ZNF605: variants seen among roughly 807,000 people sequenced by gnomAD.
ZNF605 encodes the protein zinc finger protein 605.
A neutral mutation model predicts 7.9 loss-of-function variants in ZNF605; 9 were observed. The ratio of observed to expected loss-of-function variants is 1.14; its 90% CI spans 0.68 to 1.98. ZNF605 has a LOEUF of 1.98. Ranked by LOEUF, ZNF605 falls within the 30% of genes most tolerant of loss-of-function variation. The pLI, the probability that ZNF605 is intolerant of heterozygous loss-of-function variation, is 0.00. For synonymous variants in ZNF605, 255 were observed against 260.1 expected (o/e 0.98, Z 0.19); for missense variants, 673 against 762.4 (o/e 0.88, Z 1.38).
intron 3 of ZNF605, among the ~76,000 whole-genome samples, chr12:132,943,521 C>T (rs1356515844): frequency 3.3e-5 from 5 of 152,056 alleles, no homozygotes; most frequent in South Asian, 2.1e-4. Flanking sequence ...AGTCAGGGGT[C>T]GTGATCTCAC....
At chr12:132,931,507 G>T (rs1952309111) in intron 4 of ZNF605, among the ~76,000 whole-genome samples, 1 of 152,188 alleles carries the variant, frequency 6.6e-6, no homozygotes, top group Non-Finnish European at 1.5e-5. Context: ...TGAAGTTGAA[G>T]AAAAGAGCTC....
chr12:132,950,993 C>A (rs967667748), intron 1 of ZNF605, among the ~76,000 whole-genome samples: 22 of 151,900 alleles, frequency 1.4e-4, no homozygotes, highest in African/African-American at 5.1e-4. Flanking sequence ...ATGTACATCA[C>A]ACGCAGACAT....
chr12:132,932,881 A>G (rs1213368327), intron 4 of ZNF605, 154 bp downstream of exon 4: 4 of 1,368,782 alleles, frequency 2.9e-6, no homozygotes, highest in Non-Finnish European at 3.9e-6. Context: ...ATGTTTTATT[A>G]TAAAGGCTGC....
rs552679964 is a variant in ZNF605, at chr12:132,928,690, G to A, written c.137-1528C>T. Among the ~76,000 whole-genome samples, 604 of 152,256 alleles carry A rather than the reference G, an allele frequency of 4.0e-3. 4 individuals carry two copies. Among genetic ancestry groups the A allele is most frequent in the Middle Eastern group, 0.017 (5 of 294 alleles). ...AATATTCTCAGGAAGTACTCTGCGA[G>A]ATGAAAAGATCTGGCATGGTCTCAA... On this transcript the variant is annotated intron_variant, in intron 4 of 4. Transcript: ENST00000360187.
chr12:132,936,745 T>A (rs1952370962), intron 3 of ZNF605, among the ~76,000 whole-genome samples: 1 of 151,312 alleles, frequency 6.6e-6, no homozygotes, highest in South Asian at 2.1e-4. Context: ...GACCTAAACA[T>A]AAAAAACTAT....
In ZNF605 at chr12:132,933,545, C is replaced by G. The variant is rs988782364; in HGVS notation, c.16-390G>C. Among the ~76,000 whole-genome samples, 9 of 152,158 alleles carry G rather than the reference C, an allele frequency of 5.9e-5. No individual in the cohort carries two copies. The highest frequency in any genetic ancestry group is 4.6e-4 in the Admixed American group (7 of 15,280). On this transcript the variant is annotated intron_variant, in intron 3 of 4. Coordinates refer to ENST00000360187, the MANE Select transcript of ZNF605 (RefSeq NM_183238.4). The surrounding 1 kb of genome is among the most constrained non-coding windows in gnomAD (Gnocchi z 4.4). ...GAGCCAGCTCCTTCCTCGCTGCAGCCCTTCTCAACACCTTCATCACTGCAT... is the reference window on the plus strand; with the variant it reads ...GAGCCAGCTCCTTCCTCGCTGCAGCGCTTCTCAACACCTTCATCACTGCAT...
At chr12:132,939,329 T>C (rs1952406903) in intron 3 of ZNF605, among the ~76,000 whole-genome samples, 1 of 152,174 alleles carries the variant, frequency 6.6e-6, no homozygotes, top group African/African-American at 2.4e-5. Flanking sequence ...CAACACTCTG[T>C]ATCTAGCTGC....
At chr12:132,951,737 CACAT>C (rs1172826111) in intron 1 of ZNF605, among the ~76,000 whole-genome samples, 9 of 146,638 alleles carry the variant, frequency 6.1e-5, no homozygotes, top group South Asian at 2.3e-4. Flanking sequence ...ACATACATGA[CACAT>C]ACACATGTAC....
rs1952636660 is a variant in ZNF605 at position 132,956,223 on chromosome 12, C to T, written c.-286+20G>A. On this transcript the variant is annotated intron_variant, in intron 1 of 4. Transcript: ENST00000360187. The stretch of plus-strand genomic sequence containing the variant: ...AGCCCCGCCGCCTCGTGGTCCCGCC[C>T]CCGCTGCACGCTCCCTTACCCCTCG... 1 of 152,282 alleles carries T rather than the reference C, an allele frequency of 6.6e-6. No individual in the cohort carries two copies. The highest frequency in any genetic ancestry group is 1.5e-5 in the Non-Finnish European group (1 of 68,102). 9.4% of individuals were successfully genotyped at this position (152,282 alleles called of 1,614,324 possible). A position where few individuals can be genotyped will look rare whatever the true frequency, so the allele number is the denominator to read the frequency against.
At chr12:132,942,777 G>A (rs1952456222) in intron 3 of ZNF605, among the ~76,000 whole-genome samples, 1 of 152,188 alleles carries the variant, frequency 6.6e-6, no homozygotes. Flanking sequence ...CTCAGGCCAG[G>A]TAAAGAAGAT....
At position 132,942,982 on chromosome 12, in the gene ZNF605, A is replaced by G. The variant is rs1952458811; in HGVS notation, c.15+2639T>C. 2.0e-5 allele frequency among the ~76,000 whole-genome samples: 3 copies of G among 152,162 alleles called. No homozygotes were observed. The South Asian group carries it at 6.2e-4, about 32-fold the overall frequency. On this transcript the variant is annotated intron_variant, in intron 3 of 4. Transcript: ENST00000360187. ...GTCACGGCCCGTCAAAGTCTGACCT[A>G]TTGGGGTCCATGATGAGGTAGCCTG...
chr12:132,948,770 C>T (rs1158917686), intron 1 of ZNF605, among the ~76,000 whole-genome samples: 2 of 152,338 alleles, frequency 1.3e-5, no homozygotes, highest in South Asian at 2.1e-4. Flanking sequence ...CACTCCTCTG[C>T]GCGGTCTCCC....
chr12:132,933,070 A>G lies in ZNF605; in HGVS notation c.101T>C (p.Val34Ala). 6.2e-7 allele frequency: 1 copy of G among 1,607,842 alleles called. No homozygotes were observed. The highest frequency in any genetic ancestry group is 8.5e-7 in the Non-Finnish European group (1 of 1,176,194). The change falls in exon 4 of 5, where the codon GTG (valine) becomes GCG (alanine). Residue 34 changes from valine to alanine, a missense_variant. Val to Ala is a moderately conservative substitution (Grantham distance 64). Coordinates refer to ENST00000360187, the MANE Select transcript of ZNF605 (RefSeq NM_183238.4). This position sits in a 1 kb window ranked among gnomAD's most constrained non-coding sequence, Gnocchi z 4.4. The stretch of plus-strand genomic sequence containing the variant: ...CAGATTGCTATAGTTCTCCAACATC[A>G]CATCTCTGTACAAGTTCTTCTGAGT... ...NPTQKNLYRD[V>A]MLENYSNLVF... is the part of the protein sequence containing the mutation.
At position 132,929,044 on chromosome 12, in the gene ZNF605, C is replaced by CAAAACAA. The variant is rs1555278761; in HGVS notation, c.137-1883_137-1882insTTGTTTT. ...CAAAACAAAACAAAACAAAACAAAA[C>CAAAACAA]AAAAAAACCCCAAAAACTACTCTTT... On this transcript the variant is annotated intron_variant, in intron 4 of 4. Transcript: ENST00000360187. Among the ~76,000 whole-genome samples, 173 of 151,178 alleles carry CAAAACAA rather than the reference C, an allele frequency of 1.1e-3. 2 individuals are homozygous for CAAAACAA. Among genetic ancestry groups the CAAAACAA allele is most frequent in the Non-Finnish European group, 1.5e-3 (105 of 67,934 alleles).
At chr12:132,944,030 T>C (rs960030016) in intron 3 of ZNF605, among the ~76,000 whole-genome samples, 14 of 152,202 alleles carry the variant, frequency 9.2e-5, no homozygotes, top group Non-Finnish European at 1.5e-4. Context: ...GATAATAATA[T>C]TGATTCTTAT....
rs1209848646 is a variant in ZNF605 at position 132,919,099 on chromosome 12, C to T, written c.*6274G>A. 1.3e-5 allele frequency: 2 copies of T among 152,232 alleles called. No homozygotes were observed. Among genetic ancestry groups the T allele is most frequent in the African/African-American group, 4.8e-5 (2 of 41,442 alleles). 9.4% of individuals were successfully genotyped at this position (152,232 alleles called of 1,614,324 possible). ...TGGCTGCAGTGGTAACACTCCATTG[C>T]CTAACTGCTCCTTTCACATGAGCAC... On this transcript the variant is annotated 3_prime_UTR_variant, in exon 5 of 5. Coordinates refer to ENST00000360187, the MANE Select transcript of ZNF605 (RefSeq NM_183238.4).
intron 1 of ZNF605, among the ~76,000 whole-genome samples, chr12:132,952,011 C>T (rs1372712388): frequency 6.6e-6 from 1 of 151,976 alleles, no homozygotes; most frequent in Non-Finnish European, 1.5e-5. Flanking sequence ...CATTTACTCG[C>T]TACGAAAGCA....
At position 132,941,530 on chromosome 12, in the gene ZNF605, C is replaced by A. The variant is rs1349568231; in HGVS notation, c.15+4091G>T. On this transcript the variant is annotated intron_variant, in intron 3 of 4. Coordinates refer to ENST00000360187, the MANE Select transcript of ZNF605 (RefSeq NM_183238.4). This position sits in a 1 kb window ranked among gnomAD's most constrained non-coding sequence, Gnocchi z 5.1. ...AGTGCTTCTGAGAACAGCCCCAGTC[C>A]AAACTACACATCAATAGGCCCAATC... Among the ~76,000 whole-genome samples, 6 of 152,182 alleles carry A rather than the reference C, an allele frequency of 3.9e-5. No individual in the cohort carries two copies. The highest frequency in any genetic ancestry group is 1.4e-4 in the African/African-American group (6 of 41,434).
rs773573848 is a variant in ZNF605, at chr12:132,925,861, T to G, written c.1438A>C (p.Ser480Arg). The G allele has an allele frequency of 6.2e-7, 1 of 1,614,180 alleles. No homozygotes were observed. The highest frequency in any genetic ancestry group is 1.1e-5 in the South Asian group (1 of 91,090). Residue 480 changes from serine to arginine, a missense_variant, in exon 5 of 5, where the codon AGT becomes CGT. Coordinates refer to ENST00000360187, the MANE Select transcript of ZNF605 (RefSeq NM_183238.4). ...TCACTGAAGGTTTTCCTGCATTCAC[T>G]GCATTCATAGGGTTTCTCACCTGTA... is the stretch of plus-strand genomic sequence containing the variant. ...THTGEKPYEC[S>R]ECRKTFSEKS...
Sources: allele counts gnomAD v4.1 joint callset (sites outside exome capture counted in the v4.1 genomes callset), GRCh38; gene constraint gnomAD v4.1.1; non-coding constraint Gnocchi (gnomAD v3.1); transcripts MANE v1.5; gene names NCBI Gene and HGNC (gene_info 2026-07-23, HGNC 2026-07-21).